KCNAB1: variants seen among roughly 807,000 people sequenced by gnomAD.
KCNAB1 encodes the protein potassium voltage-gated channel subfamily A regulatory beta subunit 1, also known as voltage-gated potassium channel subunit beta-1.
In KCNAB1, 35 loss-of-function variants were observed where a neutral mutation model predicts 64.6. The ratio of observed to expected loss-of-function variants is 0.54; its 90% confidence interval spans 0.41 to 0.72. The LOEUF is 0.72. Ranked by LOEUF, KCNAB1 falls within the 30% of genes least tolerant of loss-of-function variation. The pLI is 0.00. For synonymous variants in KCNAB1, 177 were observed against 183.8 expected, an observed-to-expected ratio of 0.96 and a Z score of 0.30; for missense variants, 401 against 512.9, an observed-to-expected ratio of 0.78 and a Z score of 2.11.
At chr3:156,139,395 C>G (rs1265598547) in intron 1 of KCNAB1, among the ~76,000 whole-genome samples, 1 of 152,072 alleles carries the variant, frequency 6.6e-6, no homozygotes, top group Non-Finnish European at 1.5e-5. Flanking sequence ...AAACTGCTTT[C>G]CTGGTTCACC....
intron 2 of KCNAB1, among the ~76,000 whole-genome samples, chr3:156,428,533 A>ACACACACACACACACACACACACC (rs59772816): frequency 7.8e-4 from 112 of 143,122 alleles, no homozygotes; most frequent in African/African-American, 2.8e-3. Context: ...ACACACACAC[A>ACACACACACACACACACACACACC]CCCTATTGGT....
At chr3:156,518,730 C>T (rs1717735011) in intron 11 of KCNAB1, among the ~76,000 whole-genome samples, 1 of 152,188 alleles carries the variant, frequency 6.6e-6, no homozygotes, top group South Asian at 2.1e-4. Context: ...GAAAGTAACA[C>T]TCTTTTTCTG....
chr3:156,493,390 A>G (rs1015104365), intron 8 of KCNAB1, among the ~76,000 whole-genome samples: 1 of 152,050 alleles, frequency 6.6e-6, no homozygotes, highest in Non-Finnish European at 1.5e-5. Flanking sequence ...CTGAAATTAT[A>G]TTATCCTTTT....
chr3:156,257,880 G>A (rs1304173275), intron 1 of KCNAB1, among the ~76,000 whole-genome samples: 2 of 152,152 alleles, frequency 1.3e-5, no homozygotes, highest in Non-Finnish European at 2.9e-5. Flanking sequence ...CGGAAGAAGG[G>A]ACCAAGTAGC....
intron 1 of KCNAB1, among the ~76,000 whole-genome samples, chr3:156,170,408 A>G (rs767562863): frequency 6.6e-6 from 1 of 152,116 alleles, no homozygotes; most frequent in Admixed American, 6.5e-5. Context: ...ACTACATCCA[A>G]TACAGCTTGG....
rs189334331 is a variant in KCNAB1, at chr3:156,207,102, C to G, written c.275+86216C>G. On this transcript the variant is annotated intron_variant, in intron 1 of 13. Transcript: ENST00000490337. ...TATCTTCTTTCTCCAGATGCACTCT[C>G]TTTGCTTCTCTACCCTGCTCTGCAA... 2.3e-3 allele frequency among the ~76,000 whole-genome samples: 356 copies of G among 152,296 alleles called. 2 individuals are homozygous for G. The highest frequency in any genetic ancestry group is 7.8e-3 in the African/African-American group (325 of 41,568).
At chr3:156,287,780 CAG>C in intron 1 of KCNAB1, among the ~76,000 whole-genome samples, 1 of 149,842 alleles carries the variant, frequency 6.7e-6, no homozygotes, top group East Asian at 2.0e-4. Flanking sequence ...GCCTGGGTGG[CAG>C]AGTGAGACTC....
At chr3:156,522,574 C>A (rs1718025531) in intron 11 of KCNAB1, among the ~76,000 whole-genome samples, 1 of 152,204 alleles carries the variant, frequency 6.6e-6, no homozygotes, top group African/African-American at 2.4e-5. Context: ...AGCCCATAAG[C>A]CTTTGAGATT....
chr3:156,397,622 T>C (rs6441068), intron 1 of KCNAB1, among the ~76,000 whole-genome samples: 29,610 of 152,144 alleles, frequency 0.19, 8,181 homozygotes, highest in African/African-American at 0.62. Context: ...CTTCCCTTTT[T>C]TTTTCATAGA....
At chr3:156,158,179 AAAATAAATAAATAAATAAAT>A (rs58622682) in intron 1 of KCNAB1, among the ~76,000 whole-genome samples, 1 of 60,660 alleles carries the variant, frequency 1.6e-5, no homozygotes, top group Non-Finnish European at 3.9e-5. Flanking sequence ...AAAAAAATAA[AAAATAAATAAATAAATAAAT>A]AAATAAATAA....
chr3:156,519,077 T>C lies in KCNAB1; in HGVS notation c.960+2713T>C, dbSNP rs142268153. 2.4e-3 allele frequency among the ~76,000 whole-genome samples: 362 copies of C among 152,346 alleles called. 1 individual carries two copies. The highest frequency in any genetic ancestry group is 3.7e-3 in the Non-Finnish European group (249 of 68,034). ...GACTCTATCTTGACTCTAAGATCCA[T>C]CTTGTGCACAGCCCTTGTTTGGATC... On this transcript the variant is annotated intron_variant, in intron 11 of 13. Transcript: ENST00000490337.
At chr3:156,409,458 T>C (rs1714486640) in intron 1 of KCNAB1, among the ~76,000 whole-genome samples, 2 of 152,218 alleles carry the variant, frequency 1.3e-5, no homozygotes, top group Non-Finnish European at 2.9e-5. Context: ...AGGGGTAGCT[T>C]TGATTTCATT....
At chr3:156,147,957 A>ACGCG (rs1461081112) in intron 1 of KCNAB1, among the ~76,000 whole-genome samples, 1 of 136,978 alleles carries the variant, frequency 7.3e-6, no homozygotes, top group African/African-American at 3.1e-5. Flanking sequence ...ACACACACAC[A>ACGCG]CACGCACGCA....
intron 3 of KCNAB1, among the ~76,000 whole-genome samples, chr3:156,453,576 T>C (rs1413157526): frequency 6.6e-6 from 1 of 152,172 alleles, no homozygotes; most frequent in Non-Finnish European, 1.5e-5. Flanking sequence ...ACAATAAAAT[T>C]CCTTTAGATC....
At chr3:156,192,637 G>C (rs575742544) in intron 1 of KCNAB1, among the ~76,000 whole-genome samples, 1 of 152,122 alleles carries the variant, frequency 6.6e-6, no homozygotes, top group South Asian at 2.1e-4. Flanking sequence ...AATTCTATCA[G>C]TTTTTGTTTC....
chr3:156,131,762 T>C (rs1714010103), intron 1 of KCNAB1, among the ~76,000 whole-genome samples: 1 of 152,154 alleles, frequency 6.6e-6, no homozygotes, highest in African/African-American at 2.4e-5. Flanking sequence ...AGAAAGTTTG[T>C]TTCTTACTTA....
At chr3:156,525,340 A>C (rs1406850002) in intron 12 of KCNAB1, among the ~76,000 whole-genome samples, 1 of 151,842 alleles carries the variant, frequency 6.6e-6, no homozygotes, top group East Asian at 1.9e-4. Flanking sequence ...AAGGCTAATG[A>C]GTGTGTCTGT....
chr3:156,240,426 A>G (rs897842328), intron 1 of KCNAB1, among the ~76,000 whole-genome samples: 4 of 152,162 alleles, frequency 2.6e-5, no homozygotes, highest in Non-Finnish European at 4.4e-5. Context: ...TAAAGAGTTT[A>G]TATATGAAAA....
intron 1 of KCNAB1, among the ~76,000 whole-genome samples, chr3:156,160,464 C>T (rs1429217399): frequency 6.6e-6 from 1 of 152,186 alleles, no homozygotes; most frequent in Non-Finnish European, 1.5e-5. Flanking sequence ...TTTCTCCTTG[C>T]TCTCACCCCA....
Sources: allele counts gnomAD v4.1 joint callset (sites outside exome capture counted in the v4.1 genomes callset), GRCh38; gene constraint gnomAD v4.1.1; transcripts MANE v1.5; gene names NCBI Gene and HGNC (gene_info 2026-07-23, HGNC 2026-07-21).